Variants in ALDH8A1 observed in about 807,000 individuals in gnomAD.
The protein encoded by ALDH8A1 is aldehyde dehydrogenase 8 family member A1, also known as 2-aminomuconic semialdehyde dehydrogenase.
Under a neutral mutation model 43.3 loss-of-function variants are expected in ALDH8A1, and 39 were observed. The ratio of observed to expected loss-of-function variants is 0.90; its 90% confidence interval spans 0.70 to 1.18. The LOEUF (loss-of-function observed/expected upper bound fraction) is 1.18. Ranked by LOEUF, ALDH8A1 falls within the 50% of genes most tolerant of loss-of-function variation. The pLI is 0.00. For synonymous variants in ALDH8A1, 233 were observed against 243.5 expected, an observed-to-expected ratio of 0.96 and a Z score of 0.40; for missense variants, 605 against 622.6, an observed-to-expected ratio of 0.97 and a Z score of 0.30.
chr6:134,922,221 G>A (rs553973438), intron 6 of ALDH8A1, among the ~76,000 whole-genome samples: 1 of 152,264 alleles, frequency 6.6e-6, no homozygotes, highest in African/African-American at 2.4e-5. Context: ...ACTCTATGTG[G>A]GAGGGATCAG....
At position 134,918,373 on chromosome 6, in the gene ALDH8A1, G is replaced by C; in HGVS notation, c.*42C>G. ...CTACCACATTGAACAACTGATGCCT[G>C]CAGCCAGGCATTGGCCATAGTGGCT... On this transcript the variant is annotated 3_prime_UTR_variant, in exon 7 of 7. Coordinates refer to ENST00000265605, the MANE Select transcript of ALDH8A1 (RefSeq NM_022568.4). The C allele has an allele frequency of 6.4e-7, 1 of 1,571,860 alleles. No homozygotes were observed. Among genetic ancestry groups the C allele is most frequent in the East Asian group, 2.3e-5 (1 of 44,400 alleles).
rs372089376 is a variant in ALDH8A1 at position 134,929,117 on chromosome 6, G to A, written c.948C>T (p.Val316=). 2.5e-6 allele frequency: 4 copies of A among 1,614,166 alleles called. No individual in the cohort carries two copies. The highest frequency in any genetic ancestry group is 1.7e-5 in the Admixed American group (1 of 60,026). ...TCACCAGTGGATCAGAGGGAATGCC[G>A]ACTTTCCACTTTCTGGTAGCTTCTA... is the stretch of plus-strand genomic sequence containing the variant. ...RFVEATRKWK[V]GIPSDPLVSI... is the part of the protein sequence containing the mutation. The change falls in exon 6 of 7, where the codon GTC becomes GTT. Residue 316 remains valine, a synonymous_variant. Coordinates refer to ENST00000265605, the MANE Select transcript of ALDH8A1 (RefSeq NM_022568.4).
In ALDH8A1 at chr6:134,932,982, C is replaced by A. The variant is rs778753409; in HGVS notation, c.643G>T (p.Gly215Cys). 6.2e-7 allele frequency: 1 copy of A among 1,609,646 alleles called. No individual in the cohort carries two copies. Among genetic ancestry groups the A allele is most frequent in the South Asian group, 1.1e-5 (1 of 90,692 alleles). ...NIVFGTGPRV[G>C]EALVSHPEVP... is the part of the protein sequence containing the mutation. ...TCTGGGTGGGACACCAGGGCCTCACCCACCCTGGGCCCGGTTCCAAACACA... is the reference window on the plus strand; with the variant it reads ...TCTGGGTGGGACACCAGGGCCTCACACACCCTGGGCCCGGTTCCAAACACA... Residue 215 changes from glycine (G) to cysteine (C), a missense_variant, in exon 5 of 7, where the codon GGT becomes TGT. By Grantham distance (159) the Gly-to-Cys change is radical (BLOSUM62 -3). Transcript: ENST00000265605.
chr6:134,933,217 C>G (rs980127616), intron 4 of ALDH8A1, among the ~76,000 whole-genome samples, 185 bp from the exon 5 acceptor site: 4 of 152,240 alleles, frequency 2.6e-5, no homozygotes, highest in Non-Finnish European at 5.9e-5. Context: ...GCAAAAACCA[C>G]AGATTCACCT....
At chr6:134,930,223 C>T (rs572691257) in intron 5 of ALDH8A1, among the ~76,000 whole-genome samples, 30 of 152,060 alleles carry the variant, frequency 2.0e-4, no homozygotes, top group Admixed American at 1.2e-3. Flanking sequence ...AGGGCAGACA[C>T]GAGGTGGAAA....
chr6:134,946,787 C>CACAGGTGCGCATGTGTGCACGCAT, intron 1 of ALDH8A1, among the ~76,000 whole-genome samples: 1 of 72,204 alleles, frequency 1.4e-5, no homozygotes, highest in South Asian at 4.1e-4. Context: ...TGTGCGCGCG[C>CACAGGTGCGCATGTGTGCACGCAT]GCACAGGTGC....
At chr6:134,948,329 A>G (rs1490055105) in intron 1 of ALDH8A1, among the ~76,000 whole-genome samples, 6 of 152,198 alleles carry the variant, frequency 3.9e-5, no homozygotes, top group Non-Finnish European at 7.4e-5. Flanking sequence ...GAGTGACAAT[A>G]GTTAACAATA....
At chr6:134,948,948 A>G (rs914423525) in intron 1 of ALDH8A1, among the ~76,000 whole-genome samples, 1 of 152,242 alleles carries the variant, frequency 6.6e-6, no homozygotes, top group Non-Finnish European at 1.5e-5. Flanking sequence ...ATTGCAGTTT[A>G]TAATTTAACC....
At chr6:134,944,972 AAATT>A (rs760987174) in intron 1 of ALDH8A1, among the ~76,000 whole-genome samples, 1 of 149,172 alleles carries the variant, frequency 6.7e-6, no homozygotes, top group Non-Finnish European at 1.5e-5. Flanking sequence ...TAGAAGAAGA[AAATT>A]AATCTAGATA....
At chr6:134,947,857 A>AAAC (rs34930476) in intron 1 of ALDH8A1, among the ~76,000 whole-genome samples, 1 of 150,516 alleles carries the variant, frequency 6.6e-6, no homozygotes. Context: ...AAAAAAAAAA[A>AAAC]TAAAAATAGA....
At chr6:134,936,142 G>C (rs1173808809) in intron 4 of ALDH8A1, among the ~76,000 whole-genome samples, 1 of 152,184 alleles carries the variant, frequency 6.6e-6, no homozygotes, top group East Asian at 1.9e-4. Context: ...GTAGAGATGG[G>C]ATTTCACCAC....
In ALDH8A1 at chr6:134,929,988, G is replaced by A. The variant is rs574172728; in HGVS notation, c.850-773C>T. The stretch of plus-strand genomic sequence containing the variant: ...ATGCGTGTAGGTAGCTGGGACCAGG[G>A]AGGCATCCATGGAGATGCAGAGGAG... On this transcript the variant is annotated intron_variant, in intron 5 of 6. Transcript: ENST00000265605. Among the ~76,000 whole-genome samples, 58 of 152,322 alleles carry A rather than the reference G, an allele frequency of 3.8e-4. No individual in the cohort carries two copies. In the South Asian group the frequency reaches 0.011, roughly 29 times the overall value.
Position 134,942,431 on chromosome 6 carries a change from C to G in ALDH8A1, c.420G>C (p.Thr140=), listed in dbSNP as rs753123197. The change falls in exon 3 of 7, where the codon ACG becomes ACC. Residue 140 remains threonine (T), a synonymous_variant. Transcript: ENST00000265605. Reference sequence around the variant, plus strand: ...CACCGACTCCCACCGGGGCCCGCACCGTGTAGTGCATGCAGCCCAGGTGGT... The same window carrying G: ...CACCGACTCCCACCGGGGCCCGCACGGTGTAGTGCATGCAGCCCAGGTGGT... The part of the protein sequence containing the change: ...QMDHLGCMHY[T]VRAPVGVAGL... 2 of 1,613,618 alleles carry G rather than the reference C, an allele frequency of 1.2e-6. No homozygotes were observed. The highest frequency in any genetic ancestry group is 1.3e-5 in the African/African-American group (1 of 74,912).
Position 134,932,860 on chromosome 6 carries a change from C to T in ALDH8A1, c.765G>A (p.Gly255=). 2 of 1,614,190 alleles carry T rather than the reference C, an allele frequency of 1.2e-6. No homozygotes were observed. Among genetic ancestry groups the T allele is most frequent in the Non-Finnish European group, 1.7e-6 (2 of 1,180,032 alleles). ...CAAAGATGATGGCAGGATTCTTGCC[C>T]CCCAGCTCCAGGGAGAGCTTTTTGC... ...PHCKKLSLEL[G]GKNPAIIFED... is the part of the protein sequence containing the mutation. The change falls in exon 5 of 7, where the codon GGG becomes GGA. Residue 255 remains glycine (G), a synonymous_variant. Transcript: ENST00000265605.
chr6:134,926,358 G>T (rs1776883552), intron 6 of ALDH8A1, among the ~76,000 whole-genome samples: 1 of 151,848 alleles, frequency 6.6e-6, no homozygotes, highest in South Asian at 2.1e-4. Flanking sequence ...CGCCACAAGT[G>T]CTCAGCTAAT....
At chr6:134,944,658 A>G (rs886489997) in intron 1 of ALDH8A1, among the ~76,000 whole-genome samples, 1 of 151,950 alleles carries the variant, frequency 6.6e-6, no homozygotes, top group Non-Finnish European at 1.5e-5. Context: ...CTGGGTTGGG[A>G]GGATCGCTTG....
In ALDH8A1 at chr6:134,917,725, T is replaced by C. The variant is rs1404933412; in HGVS notation, c.*690A>G. 1 of 152,146 alleles carries C rather than the reference T, an allele frequency of 6.6e-6. No homozygotes were observed. The highest frequency in any genetic ancestry group is 2.4e-5 in the African/African-American group (1 of 41,386). 9.4% of individuals were successfully genotyped at this position (152,146 alleles called of 1,614,324 possible). ...ACAAGGAGATTATCTCCATAATCTC[T>C]CCAAAGATGGCAAATTATGGCTATT... On this transcript the variant is annotated 3_prime_UTR_variant, in exon 7 of 7. Coordinates refer to ENST00000265605, the MANE Select transcript of ALDH8A1 (RefSeq NM_022568.4).
intron 6 of ALDH8A1, among the ~76,000 whole-genome samples, chr6:134,923,924 T>C (rs1049515836): frequency 6.6e-6 from 1 of 152,138 alleles, no homozygotes; most frequent in African/African-American, 2.4e-5. Flanking sequence ...GAAAATTAGT[T>C]GTAAAAATAT....
intron 5 of ALDH8A1, among the ~76,000 whole-genome samples, chr6:134,931,696 A>G (rs777679790): frequency 2.0e-5 from 3 of 152,230 alleles, no homozygotes; most frequent in Non-Finnish European, 4.4e-5. Context: ...AAACTTGCTT[A>G]ATGATTAAAT....
Sources: gnomAD v4.1 joint callset for allele counts (sites outside exome capture counted in the v4.1 genomes callset) on GRCh38, gnomAD v4.1.1 for gene constraint, MANE v1.5 for transcripts, NCBI Gene and HGNC (gene_info 2026-07-23, HGNC 2026-07-21) for gene names.